Variants in GALNT10 observed in about 807,000 individuals in gnomAD.
GALNT10 encodes GalNAc transferase 10.
Under a neutral mutation model 75.0 loss-of-function variants are expected in GALNT10, and 41 were observed. The ratio of observed to expected loss-of-function variants is 0.55; its 90% confidence interval spans 0.43 to 0.71. The LOEUF (loss-of-function observed/expected upper bound fraction) is 0.71. GALNT10 is among the 30% of genes least tolerant of loss of function. The pLI, the probability that GALNT10 is intolerant of heterozygous loss-of-function variation, is 0.00. For synonymous variants in GALNT10, 302 were observed against 313.0 expected (o/e 0.96, Z 0.37); for missense variants, 727 against 818.5 (o/e 0.89, Z 1.36).
At chr5:154,324,122 C>A (rs73281561) in intron 3 of GALNT10, among the ~76,000 whole-genome samples, 1 of 152,300 alleles carries the variant, frequency 6.6e-6, no homozygotes, top group African/African-American at 2.4e-5. Flanking sequence ...ATTTCTACAC[C>A]GTCTCTGTGC....
At chr5:154,327,151 G>A (rs1183421276) in intron 3 of GALNT10, among the ~76,000 whole-genome samples, 1 of 152,052 alleles carries the variant, frequency 6.6e-6, no homozygotes, top group Non-Finnish European at 1.5e-5. Context: ...GGGAGATGGA[G>A]GTTGCATTGA....
At chr5:154,200,753 T>C (rs958605956) in intron 1 of GALNT10, among the ~76,000 whole-genome samples, 28 of 152,226 alleles carry the variant, frequency 1.8e-4, no homozygotes, top group Non-Finnish European at 3.2e-4. Flanking sequence ...TTAATTTCTT[T>C]GACCTTTATG....
At chr5:154,219,716 CCT>C (rs1447043049) in intron 1 of GALNT10, 2 of 150,882 alleles carry the variant, frequency 1.3e-5, no homozygotes, top group East Asian at 3.8e-4. Context: ...AATTTGAGAA[CCT>C]CTCAGTGATC....
chr5:154,297,970 A>G lies in GALNT10; in HGVS notation c.292A>G (p.Met98Val). ...GNGEQGRPYP[M>V]TDAERVDQAY... ...TGGAGAACAAGGAAGACCTTACCCC[A>G]TGACCGATGCTGAGAGAGTGGATCA... Residue 98 changes from methionine (M) to valine (V), a missense_variant, in exon 3 of 12, where the codon ATG becomes GTG. Transcript: ENST00000297107. 1.9e-6 allele frequency: 3 copies of G among 1,613,912 alleles called. No homozygotes were observed. The highest frequency in any genetic ancestry group is 1.3e-5 in the African/African-American group (1 of 75,034).
chr5:154,225,153 C>T (rs577986841), intron 1 of GALNT10, among the ~76,000 whole-genome samples: 3 of 149,782 alleles, frequency 2.0e-5, no homozygotes, highest in East Asian at 2.0e-4. Context: ...AGTGTAGTGG[C>T]GCAATCTCGG....
At chr5:154,222,043 T>A (rs1440055832) in intron 1 of GALNT10, among the ~76,000 whole-genome samples, 1 of 152,162 alleles carries the variant, frequency 6.6e-6, no homozygotes, top group South Asian at 2.1e-4. Flanking sequence ...TATATAAACC[T>A]GTGAAGCCAT....
chr5:154,315,834 A>C (rs1011994491), intron 3 of GALNT10, among the ~76,000 whole-genome samples: 1 of 152,204 alleles, frequency 6.6e-6, no homozygotes, highest in African/African-American at 2.4e-5. Context: ...TCCTTGTTGG[A>C]CCAAGATGGT....
intron 1 of GALNT10, among the ~76,000 whole-genome samples, chr5:154,227,539 A>G (rs1339324570): frequency 6.6e-6 from 1 of 152,038 alleles, no homozygotes; most frequent in Non-Finnish European, 1.5e-5. Context: ...AGAGTCCTTT[A>G]TATTCTATAT....
At chr5:154,216,929 TCTC>T (rs1227948214) in intron 1 of GALNT10, among the ~76,000 whole-genome samples, 2 of 151,742 alleles carry the variant, frequency 1.3e-5, no homozygotes, top group African/African-American at 2.4e-5. Flanking sequence ...AAAAAAAAAA[TCTC>T]CTCTCCTATC....
intron 4 of GALNT10, among the ~76,000 whole-genome samples, chr5:154,344,497 A>G (rs1039250031): frequency 5.9e-5 from 9 of 152,298 alleles, no homozygotes; most frequent in African/African-American, 2.2e-4. Context: ...GGCATGAGCC[A>G]CTGCGCCTGG....
intron 1 of GALNT10, among the ~76,000 whole-genome samples, chr5:154,193,454 A>G (rs1774892087): frequency 6.6e-6 from 1 of 152,184 alleles, no homozygotes; most frequent in South Asian, 2.1e-4. Flanking sequence ...CCCTCATCCC[A>G]GTGTACTGGA....
chr5:154,207,686 A>AG (rs1179604676), intron 1 of GALNT10, among the ~76,000 whole-genome samples: 10 of 152,102 alleles, frequency 6.6e-5, no homozygotes, highest in African/African-American at 2.2e-4. Flanking sequence ...ATGGCTGGGC[A>AG]GGGGGTGGGT....
At chr5:154,265,126 C>T (rs1223167066) in intron 1 of GALNT10, among the ~76,000 whole-genome samples, 1 of 152,178 alleles carries the variant, frequency 6.6e-6, no homozygotes, top group Non-Finnish European at 1.5e-5. Context: ...TACATGTTCT[C>T]CCCTTCTTGC....
intron 7 of GALNT10, chr5:154,393,132 A>G (rs1460736673): frequency 6.7e-6 from 1 of 149,132 alleles, no homozygotes; most frequent in Non-Finnish European, 1.5e-5. Context: ...GAGGGCAGTG[A>G]CGTGATCAGA....
At chr5:154,274,751 AT>A (rs1211793130) in intron 1 of GALNT10, among the ~76,000 whole-genome samples, 1 of 152,220 alleles carries the variant, frequency 6.6e-6, no homozygotes, top group African/African-American at 2.4e-5. Flanking sequence ...ATCTAATGTA[AT>A]AAACTAAAAA....
At chr5:154,398,110 A>G (rs1296428004) in intron 7 of GALNT10, among the ~76,000 whole-genome samples, 1 of 152,250 alleles carries the variant, frequency 6.6e-6, no homozygotes, top group Non-Finnish European at 1.5e-5. Flanking sequence ...GTCTAGAGGC[A>G]TGGTGCTTCT....
chr5:154,224,778 C>CTTTTTT (rs549615789), intron 1 of GALNT10, among the ~76,000 whole-genome samples: 8 of 117,586 alleles, frequency 6.8e-5, no homozygotes, highest in East Asian at 2.6e-4. Flanking sequence ...AAGCTCACTT[C>CTTTTTT]TTTTTTTTTT....
At chr5:154,396,867 C>T (rs1391485193) in intron 7 of GALNT10, among the ~76,000 whole-genome samples, 1 of 152,162 alleles carries the variant, frequency 6.6e-6, no homozygotes, top group Non-Finnish European at 1.5e-5. Flanking sequence ...TGGCTCACAC[C>T]TGTAATTCCA....
chr5:154,361,320 C>G (rs750342088), intron 4 of GALNT10, among the ~76,000 whole-genome samples: 1 of 152,162 alleles, frequency 6.6e-6, no homozygotes, highest in Non-Finnish European at 1.5e-5. Context: ...CTGTCACTTA[C>G]CAGCAATGAT....
Sources: allele counts gnomAD v4.1 joint callset (sites outside exome capture counted in the v4.1 genomes callset), GRCh38; gene constraint gnomAD v4.1.1; transcripts MANE v1.5; gene names NCBI Gene and HGNC (gene_info 2026-07-23, HGNC 2026-07-21).